Variants in CFAP61 observed in about 807,000 individuals in gnomAD.
The protein encoded by CFAP61 is cilia and flagella associated protein 61, also known as cilia- and flagella-associated protein 61.
In CFAP61, 107 loss-of-function variants were observed where a neutral mutation model predicts 135.6. That is an observed-to-expected ratio of 0.79 (90% CI 0.67 to 0.93). The LOEUF is 0.93. Ranked by LOEUF, CFAP61 falls within the 40% of genes least tolerant of loss-of-function variation. CFAP61 has a pLI of 0.00. For synonymous variants in CFAP61, 575 were observed against 578.5 expected, an observed-to-expected ratio of 0.99 and a Z score of 0.09; for missense variants, 1,507 against 1,556.2, an observed-to-expected ratio of 0.97 and a Z score of 0.53.
intron 9 of CFAP61, among the ~76,000 whole-genome samples, chr20:20,151,098 G>A (rs1195182277): frequency 6.6e-6 from 1 of 152,012 alleles, no homozygotes; most frequent in Non-Finnish European, 1.5e-5. Flanking sequence ...AAGTTATAAA[G>A]CTCCTCAAGG....
At chr20:20,250,841 C>T (rs2050825059) in intron 19 of CFAP61, among the ~76,000 whole-genome samples, 2 of 152,162 alleles carry the variant, frequency 1.3e-5, no homozygotes, top group African/African-American at 2.4e-5. Context: ...TATCATACTA[C>T]GTGAAAGCGC....
rs2059432026 is a variant in CFAP61 at position 20,360,483 on chromosome 20, A to G, written c.*73A>G. ...GAAACGCGCTCTGTAGAAATAGAAA[A>G]GTTCTCTGCAGCCTGGTTTGACAGC... On this transcript the variant is annotated 3_prime_UTR_variant, in exon 27 of 27. Coordinates refer to ENST00000245957, the MANE Select transcript of CFAP61 (RefSeq NM_015585.4). 4.3e-6 allele frequency: 6 copies of G among 1,389,754 alleles called. No individual in the cohort carries two copies. In the African/African-American group the frequency reaches 5.8e-5, roughly 13 times the overall value. 86.1% of individuals were successfully genotyped at this position (1,389,754 alleles called of 1,614,324 possible).
chr20:20,196,781 G>A lies in CFAP61; in HGVS notation c.1797+5G>A. On this transcript the variant is annotated splice_donor_5th_base_variant and intron_variant, in intron 16 of 26. Transcript: ENST00000245957. ...CCAAAATCCAGAGAAGGCAAGGTAA[G>A]AGAATGGTGCAATTCACTTTCCCAG... 6.2e-7 allele frequency: 1 copy of A among 1,612,444 alleles called. No homozygotes were observed. The highest frequency in any genetic ancestry group is 8.5e-7 in the Non-Finnish European group (1 of 1,178,432).
At chr20:20,084,965 G>A (rs537859861) in intron 6 of CFAP61, 1 of 265,356 alleles carries the variant, frequency 3.8e-6, no homozygotes, top group African/African-American at 2.3e-5. Context: ...TTCCTCCAGG[G>A]AAGTTAAAAT....
chr20:20,140,396 A>G (rs1211800953), intron 8 of CFAP61, among the ~76,000 whole-genome samples: 13 of 113,940 alleles, frequency 1.1e-4, no homozygotes, highest in Non-Finnish European at 1.6e-4. Flanking sequence ...TCCTGTGTCC[A>G]TGTGTTCTCA....
chr20:20,150,628 A>T (rs1042888202), intron 9 of CFAP61, among the ~76,000 whole-genome samples: 5 of 152,106 alleles, frequency 3.3e-5, no homozygotes, highest in African/African-American at 1.2e-4. Flanking sequence ...CATATCTACA[A>T]CCAAGGACTC....
At chr20:20,286,017 T>TAA (rs11473095) in intron 22 of CFAP61, among the ~76,000 whole-genome samples, 104,237 of 143,272 alleles carry the variant, frequency 0.73, 38,243 homozygotes, top group Middle Eastern at 0.86. Flanking sequence ...AAAGCAAACT[T>TAA]AAAAAAAAAA....
At chr20:20,324,931 A>T (rs2057688344) in intron 25 of CFAP61, among the ~76,000 whole-genome samples, 1 of 152,226 alleles carries the variant, frequency 6.6e-6, no homozygotes, top group Non-Finnish European at 1.5e-5. Flanking sequence ...TATTATATTT[A>T]AAGACTAGTA....
intron 2 of CFAP61, among the ~76,000 whole-genome samples, chr20:20,066,193 A>T (rs2045252545): frequency 1.3e-5 from 2 of 152,180 alleles, no homozygotes; most frequent in African/African-American, 4.8e-5. Context: ...GCTGGAGAGG[A>T]TGTGGAGAAA....
Position 20,346,346 on chromosome 20 carries a change from G to GTC in CFAP61, c.3513+4429_3513+4430dup, listed in dbSNP as rs531195752. Among the ~76,000 whole-genome samples the GTC allele has an allele frequency of 2.7e-5, 4 of 150,546 alleles. No homozygotes were observed. The East Asian group carries it at 8.1e-4, about 30-fold the overall frequency. On this transcript the variant is annotated intron_variant, in intron 26 of 26. Transcript: ENST00000245957. ...AGTCTGGCCAACATGGTGAAACCCT[G>GTC]TCTCTACTAAAAATACAAAAAACTA... is the stretch of plus-strand genomic sequence containing the variant.
chr20:20,054,424 C>T (rs1301014644), intron 1 of CFAP61, among the ~76,000 whole-genome samples: 1 of 151,824 alleles, frequency 6.6e-6, no homozygotes, highest in African/African-American at 2.4e-5. Flanking sequence ...TACACACACA[C>T]ATACATACAC....
At chr20:20,310,400 C>A (rs954507754) in intron 25 of CFAP61, among the ~76,000 whole-genome samples, 1 of 152,164 alleles carries the variant, frequency 6.6e-6, no homozygotes, top group East Asian at 1.9e-4. Context: ...AAAGAAACTA[C>A]AGAATGCAAA....
intron 22 of CFAP61, among the ~76,000 whole-genome samples, chr20:20,285,389 C>T (rs1279188704): frequency 6.6e-6 from 1 of 151,926 alleles, no homozygotes; most frequent in African/African-American, 2.4e-5. Context: ...CTTTCTTACC[C>T]TATTCTTCTC....
intron 9 of CFAP61, among the ~76,000 whole-genome samples, chr20:20,147,234 A>T (rs936602776): frequency 2.6e-4 from 40 of 152,292 alleles, no homozygotes; most frequent in African/African-American, 9.6e-4. Context: ...TTTTCATATA[A>T]TGACTTCTTT....
intron 23 of CFAP61, among the ~76,000 whole-genome samples, chr20:20,289,662 A>G (rs1396139739): frequency 6.6e-6 from 1 of 152,160 alleles, no homozygotes; most frequent in East Asian, 1.9e-4. Flanking sequence ...CGAAAGCCCC[A>G]CATTCCATCC....
chr20:20,329,778 C>CT (rs1299769064), intron 25 of CFAP61, among the ~76,000 whole-genome samples: 1 of 152,238 alleles, frequency 6.6e-6, no homozygotes, highest in Non-Finnish European at 1.5e-5. Flanking sequence ...TGCCTCCACG[C>CT]TTTCCCGGGC....
intron 24 of CFAP61, among the ~76,000 whole-genome samples, chr20:20,295,483 C>T (rs1284938681): frequency 6.6e-6 from 1 of 152,128 alleles, no homozygotes; most frequent in Admixed American, 6.5e-5. Context: ...CCTCAGAACT[C>T]GCCTGCAGTT....
Position 20,188,099 on chromosome 20 carries a change from A to G in CFAP61, c.1512+43A>G, listed in dbSNP as rs1008050064. On this transcript the variant is annotated intron_variant, in intron 14 of 26. Transcript: ENST00000245957. ...CCAGACCTCAGGATATGGGACCATTATGATGACCCATGTAGATTCAGCCCT... is the reference window on the plus strand; with the variant it reads ...CCAGACCTCAGGATATGGGACCATTGTGATGACCCATGTAGATTCAGCCCT... 1.2e-5 allele frequency: 19 copies of G among 1,606,552 alleles called. No homozygotes were observed. In the East Asian group the frequency reaches 3.8e-4, roughly 32 times the overall value.
At chr20:20,305,486 T>A (rs1283924956) in intron 25 of CFAP61, among the ~76,000 whole-genome samples, 1 of 152,238 alleles carries the variant, frequency 6.6e-6, no homozygotes, top group Non-Finnish European at 1.5e-5. Context: ...TATCAAAATC[T>A]TCTTGAATGA....
Sources: gnomAD v4.1 joint callset for allele counts (sites outside exome capture counted in the v4.1 genomes callset) on GRCh38, gnomAD v4.1.1 for gene constraint, MANE v1.5 for transcripts, NCBI Gene and HGNC (gene_info 2026-07-23, HGNC 2026-07-21) for gene names.